THEMIS: variants seen among roughly 807,000 people sequenced by gnomAD.
THEMIS encodes thymocyte selection associated.
THEMIS carries 37 observed loss-of-function variants against 52.6 expected under a neutral mutation model. The ratio of observed to expected loss-of-function variants is 0.70; its 90% CI spans 0.54 to 0.93. The LOEUF is 0.93. Among genes scored for constraint, THEMIS ranks in the 40% least tolerant of loss-of-function variants. The pLI, the probability that THEMIS is intolerant of heterozygous loss-of-function variation, is 0.00. For synonymous variants in THEMIS, 292 were observed against 272.7 expected (o/e 1.07, Z -0.70); for missense variants, 808 against 763.1 (o/e 1.06, Z -0.69).
chr6:127,772,156 T>A (rs1776408269), intron 4 of THEMIS, among the ~76,000 whole-genome samples: 1 of 152,100 alleles, frequency 6.6e-6, no homozygotes, highest in East Asian at 1.9e-4. Context: ...GTTAATTATG[T>A]GAGATAGTGC....
chr6:127,866,679 A>G (rs868447171), intron 1 of THEMIS, among the ~76,000 whole-genome samples: 17 of 152,006 alleles, frequency 1.1e-4, no homozygotes, highest in Non-Finnish European at 1.0e-4. Context: ...AAAATACTCA[A>G]TAATCACTCT....
At chr6:127,780,459 G>C (rs1776705858) in intron 4 of THEMIS, among the ~76,000 whole-genome samples, 1 of 152,106 alleles carries the variant, frequency 6.6e-6, no homozygotes, top group Non-Finnish European at 1.5e-5. Flanking sequence ...TAGTTATTTT[G>C]CCAATTAGTT....
intron 2 of THEMIS, among the ~76,000 whole-genome samples, chr6:127,854,183 T>C (rs952809821): frequency 6.6e-6 from 1 of 151,714 alleles, no homozygotes; most frequent in African/African-American, 2.4e-5. Context: ...CAAACTACAG[T>C]AGATGAGTCA....
upstream of THEMIS, among the ~76,000 whole-genome samples, chr6:127,902,212 G>C (rs1781153572): frequency 6.6e-6 from 1 of 151,328 alleles, no homozygotes; most frequent in African/African-American, 2.4e-5. Context: ...TGTAGTCCCA[G>C]CTGTGAGGAG....
intron 1 of THEMIS, among the ~76,000 whole-genome samples, chr6:127,915,586 A>AAGAGAGAGAGAGAG (rs34353449): frequency 1.8e-4 from 25 of 140,440 alleles, no homozygotes; most frequent in African/African-American, 6.2e-4. Flanking sequence ...GTCAGAGAGA[A>AAGAGAGAGAGAGAG]AGAGAGAGAG....
At chr6:127,761,260 G>A (rs1389516616) in intron 4 of THEMIS, among the ~76,000 whole-genome samples, 1 of 152,118 alleles carries the variant, frequency 6.6e-6, no homozygotes. Flanking sequence ...TGGTGGAAAT[G>A]CAAAGGTACA....
chr6:127,881,768 G>C lies in THEMIS; in HGVS notation c.91+19074C>G, dbSNP rs973103788. ...TTTTTCTACAATAAGGCCTGCTTAA[G>C]CTTAAGCTAAATTTTAGGGAGAAAT... On this transcript the variant is annotated intron_variant, in intron 1 of 5. Transcript: ENST00000368248. Among the ~76,000 whole-genome samples, 6 of 151,854 alleles carry C rather than the reference G, an allele frequency of 4.0e-5. No homozygotes were observed. In the East Asian group the frequency reaches 1.2e-3, roughly 29 times the overall value.
intron 4 of THEMIS, among the ~76,000 whole-genome samples, chr6:127,727,339 T>C (rs1774585464): frequency 1.3e-5 from 2 of 152,134 alleles, no homozygotes; most frequent in Admixed American, 1.3e-4. Context: ...AAAACAGAAA[T>C]TACAGTGGAA....
At chr6:127,753,400 C>T (rs934456966) in intron 4 of THEMIS, among the ~76,000 whole-genome samples, 6 of 151,762 alleles carry the variant, frequency 4.0e-5, no homozygotes, top group Non-Finnish European at 8.8e-5. Flanking sequence ...TAAAACAATC[C>T]CTCTTACAAT....
At chr6:127,754,209 A>C (rs1168559327) in intron 4 of THEMIS, among the ~76,000 whole-genome samples, 1 of 152,202 alleles carries the variant, frequency 6.6e-6, no homozygotes, top group East Asian at 1.9e-4. Flanking sequence ...CATTTGGATA[A>C]AGGGCTTTTG....
chr6:127,876,541 C>A (rs1346929782), intron 1 of THEMIS, among the ~76,000 whole-genome samples: 1 of 152,070 alleles, frequency 6.6e-6, no homozygotes, highest in Non-Finnish European at 1.5e-5. Context: ...GGTTATCTTC[C>A]AAAATTCTCA....
At chr6:127,892,367 G>T (rs1463964962) in intron 1 of THEMIS, among the ~76,000 whole-genome samples, 1 of 152,050 alleles carries the variant, frequency 6.6e-6, no homozygotes, top group African/African-American at 2.4e-5. Flanking sequence ...AATCTGCCCC[G>T]GTCACCCTAT....
At chr6:127,747,016 AT>A in intron 4 of THEMIS, among the ~76,000 whole-genome samples, 1 of 94,080 alleles carries the variant, frequency 1.1e-5, no homozygotes, top group Non-Finnish European at 1.9e-5. Flanking sequence ...TATATTATAT[AT>A]AATTATATAT....
intron 1 of THEMIS, among the ~76,000 whole-genome samples, chr6:127,881,814 T>C (rs1442762023): frequency 6.6e-6 from 1 of 151,916 alleles, no homozygotes; most frequent in African/African-American, 2.4e-5. Context: ...CAAGCACATA[T>C]ACAAAAATGC....
At chr6:127,820,348 A>G (rs1778295749) in intron 3 of THEMIS, among the ~76,000 whole-genome samples, 1 of 152,098 alleles carries the variant, frequency 6.6e-6, no homozygotes. Context: ...ATAGAATAGG[A>G]GAGGGTATAA....
In THEMIS at chr6:127,813,312, C is replaced by T; in HGVS notation, c.1329G>A (p.Gln443=). Residue 443 remains glutamine, a synonymous_variant, in exon 4 of 6, where the codon CAG becomes CAA. Coordinates refer to ENST00000368248, the MANE Select transcript of THEMIS (RefSeq NM_001010923.3). ...GFVEVIHDKK[Q]YPISELCKQF... ...GTTTACAGAGCTCAGAAATCGGGTACTGTTTCTTATCATGAATCACCTCTA... is the reference window on the plus strand; with the variant it reads ...GTTTACAGAGCTCAGAAATCGGGTATTGTTTCTTATCATGAATCACCTCTA... The T allele has an allele frequency of 6.2e-7, 1 of 1,614,184 alleles. No homozygotes were observed. Among genetic ancestry groups the T allele is most frequent in the Non-Finnish European group, 8.5e-7 (1 of 1,180,032 alleles).
At chr6:127,811,554 T>A (rs1777908196) in intron 4 of THEMIS, among the ~76,000 whole-genome samples, 1 of 152,226 alleles carries the variant, frequency 6.6e-6, no homozygotes, top group Non-Finnish European at 1.5e-5. Flanking sequence ...CATCTTGATG[T>A]CCTTAATTTT....
At chr6:127,748,650 C>G (rs2114323938) in intron 4 of THEMIS, among the ~76,000 whole-genome samples, 1 of 152,006 alleles carries the variant, frequency 6.6e-6, no homozygotes, top group East Asian at 1.9e-4. Flanking sequence ...CACACATACT[C>G]AAGATCTGAT....
chr6:127,890,697 T>C, intron 1 of THEMIS, among the ~76,000 whole-genome samples: 1 of 152,132 alleles, frequency 6.6e-6, no homozygotes, highest in Non-Finnish European at 1.5e-5. Flanking sequence ...ATGTACCCCA[T>C]AAATATGTAC....
Sources: allele counts gnomAD v4.1 joint callset (sites outside exome capture counted in the v4.1 genomes callset), GRCh38; gene constraint gnomAD v4.1.1; transcripts MANE v1.5; gene names NCBI Gene and HGNC (gene_info 2026-07-23, HGNC 2026-07-21).